AKAP13: variants seen among roughly 807,000 people sequenced by gnomAD.
AKAP13 encodes A-kinase anchor protein 13.
Under a neutral mutation model 264.5 loss-of-function variants are expected in AKAP13, and 80 were observed. The observed-to-expected ratio is 0.30, with a 90% CI of 0.25 to 0.36. The LOEUF is 0.36. AKAP13 is among the 10% of genes least tolerant of loss of function. The pLI, the probability that AKAP13 is intolerant of heterozygous loss-of-function variation, is 1.00. For synonymous variants in AKAP13, 1,380 were observed against 1,250.2 expected, an observed-to-expected ratio of 1.10 and a Z score of -2.19; for missense variants, 3,712 against 3,435.2, an observed-to-expected ratio of 1.08 and a Z score of -2.01.
rs115410282 is a variant in AKAP13 at position 85,575,294 on chromosome 15, A to G, written c.826A>G (p.Ile276Val). The change falls in exon 6 of 37, where the codon ATT becomes GTT. Residue 276 changes from isoleucine (I) to valine (V), a missense_variant. By Grantham distance (29) the Ile-to-Val change is conservative. Coordinates refer to ENST00000394518, the MANE Select transcript of AKAP13 (RefSeq NM_007200.5). ...TCCTGGAGACGGTTGCACTGGACCA[A>G]TTTTTAAACTTATGAACATCCAACA... ...PFPGDGCTGPIFKLMNIQQQL... is the reference protein window; with the variant it reads ...PFPGDGCTGPVFKLMNIQQQL... 2.6e-4 allele frequency: 419 copies of G among 1,614,140 alleles called. 4 individuals are homozygous for G. The East Asian group carries it at 8.8e-3, about 34-fold the overall frequency.
rs2079140162 is a variant in AKAP13 at position 85,581,383 on chromosome 15, A to G, written c.3315A>G (p.Arg1105=). 6.2e-7 allele frequency: 1 copy of G among 1,614,112 alleles called. No homozygotes were observed. The highest frequency in any genetic ancestry group is 8.5e-7 in the Non-Finnish European group (1 of 1,180,040). Reference sequence around the variant, plus strand: ...TACAAGGTATGGCTGAGCCCAGAAGAGAGAATATATCACACAACACCCAAG... The same window carrying G: ...TACAAGGTATGGCTGAGCCCAGAAGGGAGAATATATCACACAACACCCAAG... ...NALQGMAEPR[R]ENISHNTQDI... The change falls in exon 7 of 37, where the codon AGA becomes AGG. Residue 1105 remains arginine (R), a synonymous_variant. Coordinates refer to ENST00000394518, the MANE Select transcript of AKAP13 (RefSeq NM_007200.5).
chr15:85,506,941 C>T lies in AKAP13; in HGVS notation c.34-14487C>T, dbSNP rs574575926. Among the ~76,000 whole-genome samples, 3 of 152,338 alleles carry T rather than the reference C, an allele frequency of 2.0e-5. No individual in the cohort carries two copies. In the South Asian group the frequency reaches 6.2e-4, roughly 32 times the overall value. ...GTTCAGTTCTGTGCCTTCGTACATACTCTCCCCTCCTTGGAGTGACTTTAT... is the reference window on the plus strand; with the variant it reads ...GTTCAGTTCTGTGCCTTCGTACATATTCTCCCCTCCTTGGAGTGACTTTAT... On this transcript the variant is annotated intron_variant, in intron 2 of 36. Transcript: ENST00000394518.
intron 5 of AKAP13, among the ~76,000 whole-genome samples, chr15:85,563,908 C>T (rs772220794): frequency 2.0e-5 from 3 of 152,200 alleles, no homozygotes; most frequent in Non-Finnish European, 4.4e-5. Context: ...GGTTAAGTAT[C>T]TAGCTCAAGT....
intron 10 of AKAP13, among the ~76,000 whole-genome samples, chr15:85,648,904 A>G (rs1225341477): frequency 1.3e-5 from 2 of 152,198 alleles, no homozygotes; most frequent in African/African-American, 4.8e-5. Flanking sequence ...CAGAAATGGT[A>G]GCTTCACTTT....
At chr15:85,557,378 T>C (rs187038769) in intron 5 of AKAP13, among the ~76,000 whole-genome samples, 5 of 152,366 alleles carry the variant, frequency 3.3e-5, no homozygotes, top group African/African-American at 1.2e-4. Context: ...ATATTTATTA[T>C]GTACTGTGAT....
At chr15:85,556,840 A>G (rs2078164548) in intron 5 of AKAP13, among the ~76,000 whole-genome samples, 1 of 152,206 alleles carries the variant, frequency 6.6e-6, no homozygotes, top group African/African-American at 2.4e-5. Flanking sequence ...GCTCTTCAGA[A>G]GAAGCCGCCA....
intron 2 of AKAP13, among the ~76,000 whole-genome samples, chr15:85,517,914 C>G (rs2076667725): frequency 6.6e-6 from 1 of 152,176 alleles, no homozygotes; most frequent in East Asian, 1.9e-4. Flanking sequence ...GGGGATCACG[C>G]TGTTTCTTAA....
chr15:85,734,780 AT>A (rs2088317954), intron 30 of AKAP13, among the ~76,000 whole-genome samples: 1 of 152,204 alleles, frequency 6.6e-6, no homozygotes, highest in Non-Finnish European at 1.5e-5. Flanking sequence ...GGCCTCTTGC[AT>A]ATAAAGTGGA....
At chr15:85,691,091 C>T (rs997552008) in intron 16 of AKAP13, among the ~76,000 whole-genome samples, 10 of 152,086 alleles carry the variant, frequency 6.6e-5, no homozygotes, top group Admixed American at 2.0e-4. Context: ...TTGAGTCAGA[C>T]GAAATGATGT....
chr15:85,543,443 C>T (rs927826340), intron 4 of AKAP13, among the ~76,000 whole-genome samples: 2 of 152,168 alleles, frequency 1.3e-5, no homozygotes, highest in South Asian at 2.1e-4. Context: ...GTGTATGGGT[C>T]GCCTTTATAT....
intron 30 of AKAP13, among the ~76,000 whole-genome samples, chr15:85,732,244 C>T (rs2088103579): frequency 6.6e-6 from 1 of 152,036 alleles, no homozygotes; most frequent in Non-Finnish European, 1.5e-5. Context: ...TAAGTTGTTC[C>T]AGGCTCATCT....
intron 9 of AKAP13, among the ~76,000 whole-genome samples, chr15:85,640,570 G>A (rs2082262753): frequency 6.6e-6 from 1 of 152,158 alleles, no homozygotes; most frequent in African/African-American, 2.4e-5. Flanking sequence ...GAGTAGTTAA[G>A]GATATTATGC....
chr15:85,432,901 G>A (rs965212333), intron 1 of AKAP13, among the ~76,000 whole-genome samples: 2 of 151,520 alleles, frequency 1.3e-5, no homozygotes, highest in African/African-American at 4.8e-5. Context: ...TCCTTTCTCT[G>A]CCACCTCCCA....
intron 1 of AKAP13, among the ~76,000 whole-genome samples, chr15:85,432,114 A>G (rs1219933254): frequency 2.6e-5 from 4 of 152,128 alleles, no homozygotes; most frequent in Non-Finnish European, 5.9e-5. Flanking sequence ...TTTTAGAAGA[A>G]TACGTATTTT....
At chr15:85,503,058 T>A (rs1229344347) in intron 2 of AKAP13, among the ~76,000 whole-genome samples, 1 of 152,210 alleles carries the variant, frequency 6.6e-6, no homozygotes, top group Non-Finnish European at 1.5e-5. Context: ...TCTTTGTACC[T>A]AGTGTATGCT....
chr15:85,560,809 G>A (rs1474262033), intron 5 of AKAP13, among the ~76,000 whole-genome samples: 3 of 152,088 alleles, frequency 2.0e-5, no homozygotes, highest in African/African-American at 7.2e-5. Context: ...AAATTTCAAG[G>A]AATTGTATAA....
Position 85,394,273 on chromosome 15 carries a change from C to T in AKAP13, c.-12+13475C>T, listed in dbSNP as rs139034497. ...CTGCCTAGCTTTCAGCCCAGTTTGG[C>T]TCATATCAAACATGTTTTTTGGGTG... On this transcript the variant is annotated intron_variant, in intron 1 of 36. Transcript: ENST00000394518. Among the ~76,000 whole-genome samples, 33 of 152,290 alleles carry T rather than the reference C, an allele frequency of 2.2e-4. No homozygotes were observed. In the East Asian group the frequency reaches 6.2e-3, roughly 28 times the overall value.
chr15:85,495,793 T>A (rs1205354108), intron 2 of AKAP13, among the ~76,000 whole-genome samples: 3 of 152,186 alleles, frequency 2.0e-5, no homozygotes, highest in Admixed American at 2.0e-4. Flanking sequence ...GTCCTTCCTC[T>A]CTTGTTTTCT....
At chr15:85,537,071 A>G (rs1342911039) in intron 4 of AKAP13, 1 of 152,270 alleles carries the variant, frequency 6.6e-6, no homozygotes, top group Admixed American at 6.5e-5. Context: ...CTTTAAGTCA[A>G]CAACTGGGAT....
Sources: allele counts gnomAD v4.1 joint callset (sites outside exome capture counted in the v4.1 genomes callset), GRCh38; gene constraint gnomAD v4.1.1; transcripts MANE v1.5; gene names NCBI Gene and HGNC (gene_info 2026-07-23, HGNC 2026-07-21).